Variants in CHD2 observed in about 807,000 individuals in gnomAD.
CHD2 encodes chromodomain helicase DNA binding protein 2, also known as ATP-dependent chromatin remodeler CHD2.
Under a neutral mutation model 243.9 loss-of-function variants are expected in CHD2, and 28 were observed. That is an observed-to-expected ratio of 0.11 (90% CI 0.09 to 0.16). CHD2 has a LOEUF of 0.16. CHD2 is among the 10% of genes least tolerant of loss of function. CHD2 has a pLI of 1.00. For synonymous variants in CHD2, 775 were observed against 779.0 expected (o/e 0.99, Z 0.09); for missense variants, 1,386 against 2,209.8 (o/e 0.63, Z 7.47).
chr15:93,001,643 A>G (rs1160280187), intron 32 of CHD2, among the ~76,000 whole-genome samples: 4 of 151,996 alleles, frequency 2.6e-5, no homozygotes, highest in Non-Finnish European at 5.9e-5. Flanking sequence ...CAGCCTCCCA[A>G]ATAGCTAGGA....
chr15:92,904,619 ATTTCCG>A, intron 2 of CHD2: 20 of 1,177,128 alleles, frequency 1.7e-5, no homozygotes, highest in Non-Finnish European at 2.1e-5. Context: ...TCTTTTGCCC[ATTTCCG>A]GGAATGGTTT....
At chr15:92,999,907 A>T (rs73456482) in intron 31 of CHD2, among the ~76,000 whole-genome samples, 284 of 151,968 alleles carry the variant, frequency 1.9e-3, no homozygotes, top group Middle Eastern at 0.01. Context: ...TTCCTTTTTT[A>T]AAAAAAATTG....
At chr15:92,924,575 C>T in intron 3 of CHD2, 23 bp downstream of exon 3, 1 of 1,595,520 alleles carries the variant, frequency 6.3e-7, no homozygotes, top group Non-Finnish European at 8.6e-7. Flanking sequence ...CCCTGCAGTA[C>T]AAATGTGCTG....
chr15:92,916,184 T>C (rs1177601761), intron 2 of CHD2, among the ~76,000 whole-genome samples: 1 of 152,210 alleles, frequency 6.6e-6, no homozygotes, highest in East Asian at 1.9e-4. Flanking sequence ...TGATGTCTCA[T>C]GTCTCCCTAA....
At position 92,900,530 on chromosome 15, in the gene CHD2, T is replaced by A. The variant is rs956474909; in HGVS notation, c.-366T>A. The stretch of plus-strand genomic sequence containing the variant: ...GCAGCTTTTAGGAGCTTTCTTTTCG[T>A]GCCTTGTTGGAAAGAAGCAGCCGTA... On this transcript the variant is annotated 5_prime_UTR_variant, in exon 1 of 39. Transcript: ENST00000394196. 5.0e-6 allele frequency: 2 copies of A among 398,780 alleles called. No homozygotes were observed. The highest frequency in any genetic ancestry group is 3.6e-5 in the East Asian group (1 of 28,074). 24.7% of individuals were successfully genotyped at this position (398,780 alleles called of 1,614,324 possible).
At position 92,955,494 on chromosome 15, in the gene CHD2, G is replaced by A. The variant is rs765338664; in HGVS notation, c.1791G>A (p.Glu597=). The change falls in exon 15 of 39, where the codon GAG becomes GAA. Residue 597 remains glutamate (E), a synonymous_variant. Transcript: ENST00000394196. The part of the protein sequence containing the change: ...LKFNALITTY[E]ILLKDKTVLG... ...TCAACGCACTTATAACAACATATGA[G>A]ATCCTCTTGAAAGATAAGGTGTGTA... 4 of 1,592,678 alleles carry A rather than the reference G, an allele frequency of 2.5e-6. No individual in the cohort carries two copies. Among genetic ancestry groups the A allele is most frequent in the Non-Finnish European group, 3.4e-6 (4 of 1,172,058 alleles).
intron 32 of CHD2, among the ~76,000 whole-genome samples, chr15:93,000,898 C>T (rs989265033): frequency 2.0e-5 from 3 of 152,170 alleles, no homozygotes; most frequent in Admixed American, 6.5e-5. Context: ...GATGAAGTCT[C>T]GCTCTTGTCC....
intron 16 of CHD2, among the ~76,000 whole-genome samples, chr15:92,958,168 T>A (rs4778061): frequency 0.67 from 101,824 of 152,094 alleles, 35,717 homozygotes; most frequent in East Asian, 0.98. Context: ...GTTTAACATT[T>A]TAGAAACTAC....
chr15:92,909,306 C>T (rs533000523), intron 2 of CHD2, among the ~76,000 whole-genome samples: 2 of 152,070 alleles, frequency 1.3e-5, no homozygotes, highest in Non-Finnish European at 2.9e-5. Context: ...ACATTCCATT[C>T]TAAACTTCCT....
At chr15:93,015,728 A>G (rs1450449372) in intron 37 of CHD2, among the ~76,000 whole-genome samples, 2 of 152,238 alleles carry the variant, frequency 1.3e-5, no homozygotes, top group Non-Finnish European at 2.9e-5. Flanking sequence ...AAAAGAAGAC[A>G]TACAGATTGC....
At chr15:92,904,319 T>C (rs947276789) in intron 2 of CHD2, 1 of 393,278 alleles carries the variant, frequency 2.5e-6, no homozygotes, top group Non-Finnish European at 3.5e-6. Context: ...GGGTGCTGAT[T>C]GGCTGTGCGC....
intron 2 of CHD2, among the ~76,000 whole-genome samples, chr15:92,905,438 G>A (rs2052602772): frequency 6.6e-6 from 1 of 152,154 alleles, no homozygotes; most frequent in African/African-American, 2.4e-5. Flanking sequence ...ATCTACTGTG[G>A]ACAAAGTTTT....
chr15:92,907,601 A>G (rs960470175), intron 2 of CHD2, among the ~76,000 whole-genome samples: 13 of 152,156 alleles, frequency 8.5e-5, no homozygotes, highest in Admixed American at 7.2e-4. Context: ...TTTTGTTCCC[A>G]GTTTAGGCCA....
At chr15:92,971,447 GTA>G (rs991303999) in intron 17 of CHD2, among the ~76,000 whole-genome samples, 7 of 152,022 alleles carry the variant, frequency 4.6e-5, no homozygotes, top group African/African-American at 7.2e-5. Flanking sequence ...ATGTATGTAT[GTA>G]TGTGTGTGTG....
At chr15:93,004,014 C>G (rs966740773) in intron 33 of CHD2, among the ~76,000 whole-genome samples, 1 of 151,058 alleles carries the variant, frequency 6.6e-6, no homozygotes, top group Non-Finnish European at 1.5e-5. Context: ...ATCTGAGCTA[C>G]TTGGGAGGCT....
chr15:92,985,614 G>C lies in CHD2; in HGVS notation c.3354G>C (p.Gly1118=), dbSNP rs747316316. ...SDDDKKPKRR[G]RPRSVRKDLV... is the part of the protein sequence containing the mutation. ...ATGACAAGAAGCCAAAGCGCAGAGG[G>C]CGTCCGAGGAGTGTGCGGAAGGACC... Residue 1118 remains glycine (G), a synonymous_variant, in exon 26 of 39, where the codon GGG becomes GGC. Coordinates refer to ENST00000394196, the MANE Select transcript of CHD2 (RefSeq NM_001271.4). The C allele has an allele frequency of 2.4e-5, 38 of 1,613,836 alleles. No homozygotes were observed. The highest frequency in any genetic ancestry group is 3.2e-5 in the Non-Finnish European group (38 of 1,180,018).
At chr15:92,962,217 C>T (rs2053700120) in intron 16 of CHD2, among the ~76,000 whole-genome samples, 1 of 151,620 alleles carries the variant, frequency 6.6e-6, no homozygotes. Context: ...TCAAAGGTTG[C>T]CGTCCTTTGC....
intron 19 of CHD2, among the ~76,000 whole-genome samples, chr15:92,973,122 C>A (rs191912781): frequency 1.6e-3 from 249 of 152,224 alleles, no homozygotes; most frequent in Non-Finnish European, 4.3e-4. Context: ...ACATTCCCCC[C>A]AAAAGTTGAC....
Position 93,020,045 on chromosome 15 carries a change from A to C in CHD2, c.4940A>C (p.Asn1647Thr). Residue 1647 changes from asparagine (N) to threonine (T), a missense_variant, in exon 38 of 39, where the codon AAC becomes ACC. Physicochemically the swap from Asn to Thr is moderately conservative, Grantham distance 65 (BLOSUM62 0). Transcript: ENST00000394196. Reference protein sequence around the residue: ...RGDWQRERKFNYGGGNNNPPW... With the variant: ...RGDWQRERKFTYGGGNNNPPW... ...GACTGGCAGAGGGAAAGAAAGTTCA[A>C]CTATGGTGGTGGCAACAACAATCCA... is the stretch of plus-strand genomic sequence containing the variant. 1 of 1,614,026 alleles carries C rather than the reference A, an allele frequency of 6.2e-7. No homozygotes were observed. The highest frequency in any genetic ancestry group is 8.5e-7 in the Non-Finnish European group (1 of 1,179,908).
Sources: allele counts gnomAD v4.1 joint callset (sites outside exome capture counted in the v4.1 genomes callset), GRCh38; gene constraint gnomAD v4.1.1; transcripts MANE v1.5; gene names NCBI Gene and HGNC (gene_info 2026-07-23, HGNC 2026-07-21).